The following NUP98 variants were observed in gnomAD, a reference collection of about 807,000 sequenced individuals.
The protein encoded by NUP98 is nuclear pore complex protein Nup98-Nup96.
Under a neutral mutation model 191.9 loss-of-function variants are expected in NUP98, and 26 were observed. That is an observed-to-expected ratio of 0.14 (90% confidence interval 0.10 to 0.19). The LOEUF is 0.19. Among genes scored for constraint, NUP98 ranks in the 10% least tolerant of loss-of-function variants. The pLI, the probability that NUP98 is intolerant of heterozygous loss-of-function variation, is 1.00. For synonymous variants in NUP98, 808 were observed against 778.4 expected (o/e 1.04, Z -0.63); for missense variants, 1,941 against 2,178.8 (o/e 0.89, Z 2.17).
intron 1 of NUP98, among the ~76,000 whole-genome samples, chr11:3,796,320 T>G (rs2134013400): frequency 6.6e-6 from 1 of 152,244 alleles, no homozygotes; most frequent in East Asian, 1.9e-4. Flanking sequence ...CAATATTTCC[T>G]GCTTTCTATT....
chr11:3,701,293 A>G (rs963881581), intron 23 of NUP98, among the ~76,000 whole-genome samples: 1 of 134,474 alleles, frequency 7.4e-6, no homozygotes, highest in Non-Finnish European at 1.5e-5. Context: ...GGAGTTTCAC[A>G]CTGTCGCTGA....
intron 11 of NUP98, among the ~76,000 whole-genome samples, chr11:3,744,930 A>G (rs1589860793): frequency 6.6e-6 from 1 of 152,220 alleles, no homozygotes; most frequent in African/African-American, 2.4e-5. Context: ...TAAAATGGAT[A>G]AACATTCATA....
chr11:3,676,804 C>A, intron 31 of NUP98, 184 bp from the exon 32 acceptor site: 1 of 720,686 alleles, frequency 1.4e-6, no homozygotes, highest in Non-Finnish European at 2.5e-6. Flanking sequence ...GCAGTAATAG[C>A]CAAGAGGAAG....
At chr11:3,792,123 A>G (rs4910565) in intron 1 of NUP98, among the ~76,000 whole-genome samples, 12,936 of 138,140 alleles carry the variant, frequency 0.094, 729 homozygotes, top group African/African-American at 0.15. Flanking sequence ...AGCTTGCAAT[A>G]AGCCGAGATC....
chr11:3,745,071 G>C (rs1206803148), intron 11 of NUP98, among the ~76,000 whole-genome samples: 4 of 152,160 alleles, frequency 2.6e-5, no homozygotes. Flanking sequence ...TGTTATAAAT[G>C]ATAGAAATGG....
At chr11:3,750,940 G>A (rs1255552590) in intron 11 of NUP98, among the ~76,000 whole-genome samples, 2 of 152,172 alleles carry the variant, frequency 1.3e-5, no homozygotes, top group Non-Finnish European at 2.9e-5. Context: ...CCAGCCTACT[G>A]ATTTTTAATT....
At chr11:3,719,865 T>A (rs2079327955) in intron 17 of NUP98, among the ~76,000 whole-genome samples, 1 of 150,014 alleles carries the variant, frequency 6.7e-6, no homozygotes, top group Admixed American at 6.8e-5. Flanking sequence ...ACTGAAACAA[T>A]CCTCCCACCT....
chr11:3,698,776 T>G (rs1469612891), intron 25 of NUP98, among the ~76,000 whole-genome samples: 1 of 129,420 alleles, frequency 7.7e-6, no homozygotes, highest in Non-Finnish European at 1.6e-5. Context: ...TCTATAGGAA[T>G]AGGTGGGTGT....
Position 3,699,076 on chromosome 11 carries a change from C to G in NUP98, c.4009+6G>C, listed in dbSNP as rs769702334. On this transcript the variant is annotated splice_donor_region_variant and intron_variant, in intron 25 of 32. Transcript: ENST00000324932. ...GGCGCAGAGAAGGACCATATGCCTT[C>G]CCCACCTGACTGCTGGGCCAGAGAG... is the stretch of plus-strand genomic sequence containing the variant. The G allele has an allele frequency of 7.4e-6, 12 of 1,612,050 alleles. No homozygotes were observed. Among genetic ancestry groups the G allele is most frequent in the Non-Finnish European group, 1.0e-5 (12 of 1,179,778 alleles).
intron 27 of NUP98, among the ~76,000 whole-genome samples, 191 bp from the exon 28 acceptor site, chr11:3,691,680 A>G (rs377462718): frequency 1.3e-5 from 2 of 152,044 alleles, no homozygotes; most frequent in South Asian, 4.1e-4. Context: ...CAGCCTCCCA[A>G]GTAGCTGGGA....
chr11:3,777,600 A>C (rs1449390950), intron 4 of NUP98, among the ~76,000 whole-genome samples: 1 of 148,416 alleles, frequency 6.7e-6, no homozygotes, highest in Non-Finnish European at 1.5e-5. Flanking sequence ...CAGCCCGGGT[A>C]ACAGATCAAG....
At chr11:3,757,129 A>T (rs1445280854) in intron 10 of NUP98, among the ~76,000 whole-genome samples, 1 of 104,332 alleles carries the variant, frequency 9.6e-6, no homozygotes, top group Non-Finnish European at 1.8e-5. Flanking sequence ...CTATATCTAT[A>T]TCTATATGTG....
chr11:3,753,212 A>G (rs954069078), intron 11 of NUP98, 104 bp downstream of exon 11: 20 of 966,654 alleles, frequency 2.1e-5, no homozygotes, highest in African/African-American at 3.3e-5. Context: ...ACGAAAAGGT[A>G]GACTTCTTAA....
At chr11:3,753,047 T>C (rs558469241) in intron 11 of NUP98, among the ~76,000 whole-genome samples, 6 of 152,338 alleles carry the variant, frequency 3.9e-5, no homozygotes, top group African/African-American at 1.4e-4. Flanking sequence ...TCATGACAAT[T>C]CTCACATTAA....
intron 29 of NUP98, among the ~76,000 whole-genome samples, chr11:3,685,374 A>T (rs977209147): frequency 7.9e-5 from 12 of 152,218 alleles, no homozygotes; most frequent in Non-Finnish European, 2.9e-5. Context: ...CCAGAGAAAA[A>T]GCAAGCCAGT....
intron 12 of NUP98, among the ~76,000 whole-genome samples, chr11:3,740,755 T>C (rs2080252422): frequency 6.6e-6 from 1 of 151,754 alleles, no homozygotes; most frequent in Non-Finnish European, 1.5e-5. Flanking sequence ...TAAAACATAC[T>C]GGGAAACAAG....
At chr11:3,734,280 G>A (rs977325911) in intron 13 of NUP98, among the ~76,000 whole-genome samples, 3 of 152,102 alleles carry the variant, frequency 2.0e-5, no homozygotes, top group Admixed American at 6.5e-5. Context: ...TGATCCACCC[G>A]CCTCGGACTC....
At chr11:3,718,532 T>C (rs2079268730) in intron 18 of NUP98, among the ~76,000 whole-genome samples, 1 of 150,972 alleles carries the variant, frequency 6.6e-6, no homozygotes, top group Admixed American at 6.6e-5. Flanking sequence ...TGAAACTCTG[T>C]CTCAAAAGAA....
At chr11:3,792,035 C>T (rs2082369051) in intron 1 of NUP98, among the ~76,000 whole-genome samples, 1 of 150,466 alleles carries the variant, frequency 6.6e-6, no homozygotes, top group Non-Finnish European at 1.5e-5. Flanking sequence ...AAAAATTAGC[C>T]GGGCATGGTG....
Sources: gnomAD v4.1 joint callset for allele counts (sites outside exome capture counted in the v4.1 genomes callset) on GRCh38, gnomAD v4.1.1 for gene constraint, MANE v1.5 for transcripts, NCBI Gene and HGNC (gene_info 2026-07-23, HGNC 2026-07-21) for gene names.